Variants in ZC3H15 observed in about 807,000 individuals in gnomAD.
The protein encoded by ZC3H15 is zinc finger CCCH-type containing 15.
In ZC3H15, 15 loss-of-function variants were observed where a neutral mutation model predicts 51.2. The observed-to-expected ratio is 0.29, with a 90% CI of 0.20 to 0.45. The LOEUF (loss-of-function observed/expected upper bound fraction) is 0.45. ZC3H15 is among the 20% of genes least tolerant of loss of function. The pLI, the probability that ZC3H15 is intolerant of heterozygous loss-of-function variation, is 1.00. For synonymous variants in ZC3H15, 144 were observed against 162.8 expected (o/e 0.88, Z 0.88); for missense variants, 381 against 494.7 (o/e 0.77, Z 2.18).
In ZC3H15 at chr2:186,505,547, C is replaced by A. The variant is rs759616605; in HGVS notation, c.814C>A (p.Gln272Lys). 7 of 1,609,190 alleles carry A rather than the reference C, an allele frequency of 4.4e-6. No homozygotes were observed. Among genetic ancestry groups the A allele is most frequent in the Non-Finnish European group, 5.9e-6 (7 of 1,178,570 alleles). Residue 272 changes from glutamine (Q) to lysine (K), a missense_variant, in exon 7 of 10, where the codon CAA becomes AAA. Around this residue, in one of 3 missense-constraint regions of ZC3H15, gnomAD observed 215 missense variants for 241.8 expected, o/e 0.89. Coordinates refer to ENST00000337859, the MANE Select transcript of ZC3H15 (RefSeq NM_018471.3). ...ACAAGAAAAGATTGATAAACTTGAACAAGATATGGAAAGAAGGAAAGCTGA... is the reference window on the plus strand; with the variant it reads ...ACAAGAAAAGATTGATAAACTTGAAAAAGATATGGAAAGAAGGAAAGCTGA... ...KRQEKIDKLE[Q>K]DMERRKADFK...
intron 5 of ZC3H15, among the ~76,000 whole-genome samples, chr2:186,503,148 C>A (rs1203435025): frequency 3.3e-5 from 5 of 152,242 alleles, no homozygotes; most frequent in African/African-American, 1.2e-4. Flanking sequence ...TAGAATAATT[C>A]TAAATACTAC....
At position 186,502,490 on chromosome 2, in the gene ZC3H15, A is replaced by G; in HGVS notation, c.443-6A>G. ...TACAGTATTTAATCTTCATTTCTTT[A>G]TTTAGATACTATGGATAATTGGGAT... On this transcript the variant is annotated splice_region_variant and splice_polypyrimidine_tract_variant and intron_variant, in intron 4 of 9. Coordinates refer to ENST00000337859, the MANE Select transcript of ZC3H15 (RefSeq NM_018471.3). 6.2e-7 allele frequency: 1 copy of G among 1,604,882 alleles called. No individual in the cohort carries two copies. The highest frequency in any genetic ancestry group is 8.5e-7 in the Non-Finnish European group (1 of 1,173,910).
chr2:186,502,674 G>A, intron 5 of ZC3H15, 87 bp downstream of exon 5: 1 of 1,101,868 alleles, frequency 9.1e-7, no homozygotes, highest in Non-Finnish European at 1.3e-6. Flanking sequence ...TTTTCTATTA[G>A]ATTATTCTGT....
intron 1 of ZC3H15, among the ~76,000 whole-genome samples, chr2:186,491,443 C>T (rs900034333): frequency 5.3e-5 from 8 of 151,968 alleles, no homozygotes; most frequent in Non-Finnish European, 1.0e-4. Flanking sequence ...AATAACTTGC[C>T]CAAGTTTACT....
intron 8 of ZC3H15, 196 bp downstream of exon 8, chr2:186,506,037 G>T: frequency 4.4e-6 from 3 of 688,366 alleles, no homozygotes; most frequent in Non-Finnish European, 7.9e-6. Flanking sequence ...ATCATAGTTT[G>T]TGAGAATTAA....
chr2:186,507,606 T>C (rs2105595390), intron 9 of ZC3H15: 1 of 363,658 alleles, frequency 2.7e-6, no homozygotes, highest in South Asian at 2.1e-5. Context: ...TAATTGTGCC[T>C]TGAGTTAGGT....
In ZC3H15 at chr2:186,501,426, G is replaced by T; in HGVS notation, c.442+1G>T. 1 of 1,603,550 alleles carries T rather than the reference G, an allele frequency of 6.2e-7. No homozygotes were observed. Among genetic ancestry groups the T allele is most frequent in the Non-Finnish European group, 8.5e-7 (1 of 1,176,248 alleles). ...GCAAGAGATGAAGAACTTGAAAAAG[G>T]TAATTTTTTTAAAAACACTCTCTTA... is the stretch of plus-strand genomic sequence containing the variant. On this transcript the variant is annotated splice_donor_variant, in intron 4 of 9. Transcript: ENST00000337859. LOFTEE classifies it high-confidence loss of function.
chr2:186,507,459 A>C (rs1182697814), intron 9 of ZC3H15: 1 of 456,700 alleles, frequency 2.2e-6, no homozygotes, highest in East Asian at 6.9e-5. Flanking sequence ...TCTGTAGCTC[A>C]GAGGAAGAGG....
chr2:186,486,394 GA>G lies in ZC3H15; in HGVS notation c.15del (p.Lys5AsnfsTer27). The G allele has an allele frequency of 6.4e-7, 1 of 1,552,044 alleles. No individual in the cohort carries two copies. The highest frequency in any genetic ancestry group is 8.7e-7 in the Non-Finnish European group (1 of 1,145,972). Reference sequence around the variant, plus strand: ...CATCTGTCTCCGCAATGCCCCCCAAGAAACAGGCTCAGGCCGGGGGCAGCAA... The same window carrying G: ...CATCTGTCTCCGCAATGCCCCCCAAGAACAGGCTCAGGCCGGGGGCAGCAA... MPPK[K>X]QAQAGGSKKA... On this transcript the variant is annotated frameshift_variant, in exon 1 of 10. Transcript: ENST00000337859. LOFTEE classifies it high-confidence loss of function.
chr2:186,491,029 AG>A (rs1432517376), intron 1 of ZC3H15, among the ~76,000 whole-genome samples: 1 of 152,160 alleles, frequency 6.6e-6, no homozygotes, highest in Non-Finnish European at 1.5e-5. Context: ...ATCTTTAGGT[AG>A]GGCTCTGTCC....
intron 1 of ZC3H15, among the ~76,000 whole-genome samples, chr2:186,494,387 A>G (rs1213289780): frequency 2.0e-5 from 3 of 152,206 alleles, no homozygotes; most frequent in African/African-American, 7.2e-5. Flanking sequence ...CCAGAACTGA[A>G]TGTATCTTCC....
intron 3 of ZC3H15, chr2:186,500,533 T>C: frequency 6.4e-6 from 4 of 624,034 alleles, no homozygotes; most frequent in South Asian, 4.6e-5. Context: ...AATTAGTAAT[T>C]TAATAGACTG....
chr2:186,495,220 C>A lies in ZC3H15; in HGVS notation c.76-13C>A. On this transcript the variant is annotated splice_polypyrimidine_tract_variant and intron_variant, in intron 1 of 9. Coordinates refer to ENST00000337859, the MANE Select transcript of ZC3H15 (RefSeq NM_018471.3). Reference sequence around the variant, plus strand: ...TAAATTGCTAAGATATTTCTGTGCTCTTTCTCATGTAGGACAAAACTTTCG... The same window carrying A: ...TAAATTGCTAAGATATTTCTGTGCTATTTCTCATGTAGGACAAAACTTTCG... 1.3e-6 allele frequency: 2 copies of A among 1,514,508 alleles called. No individual in the cohort carries two copies. The highest frequency in any genetic ancestry group is 2.5e-5 in the East Asian group (1 of 39,486). The allele number at this position is 1,514,508 out of a possible 1,614,324, so 93.8% of individuals were successfully genotyped here.
At chr2:186,505,646 T>A (rs908583683) in intron 7 of ZC3H15, 49 bp downstream of exon 7, 13 of 1,600,772 alleles carry the variant, frequency 8.1e-6, no homozygotes, top group Admixed American at 5.1e-5. Flanking sequence ...CCATTTTCAA[T>A]TTCTGTGTCA....
At position 186,500,211 on chromosome 2, in the gene ZC3H15, G is replaced by A. The variant is rs776705902; in HGVS notation, c.207G>A (p.Leu69=). The A allele has an allele frequency of 6.2e-7, 1 of 1,613,574 alleles. No individual in the cohort carries two copies. Among genetic ancestry groups the A allele is most frequent in the Non-Finnish European group, 8.5e-7 (1 of 1,179,820 alleles). The change falls in exon 3 of 10, where the codon TTG becomes TTA. Residue 69 remains leucine (L), a synonymous_variant. Coordinates refer to ENST00000337859, the MANE Select transcript of ZC3H15 (RefSeq NM_018471.3). ...CACAGAGTGAAGCTGAAAAGAAATT[G>A]AAGAAGGATGACAAGAAGAAAGAAT... ...QVAQSEAEKK[L]KKDDKKKELQ... is the part of the protein sequence containing the mutation.
intron 1 of ZC3H15, among the ~76,000 whole-genome samples, chr2:186,493,192 A>G (rs1221199530): frequency 6.6e-6 from 1 of 152,068 alleles, no homozygotes; most frequent in South Asian, 2.1e-4. Context: ...CTAGAAGTTA[A>G]AAGTGTTAGG....
chr2:186,503,535 G>A lies in ZC3H15; in HGVS notation c.535-497G>A, dbSNP rs535795669. Among the ~76,000 whole-genome samples the A allele has an allele frequency of 6.6e-5, 10 of 152,080 alleles. No individual in the cohort carries two copies. The South Asian group carries it at 2.1e-3, about 32-fold the overall frequency. On this transcript the variant is annotated intron_variant, in intron 5 of 9. Coordinates refer to ENST00000337859, the MANE Select transcript of ZC3H15 (RefSeq NM_018471.3). Reference sequence around the variant, plus strand: ...GGGGTTACAGGCATGTGCCACCACGGCCAGCTAATTTTTTGTATTTTTAGT... The same window carrying A: ...GGGGTTACAGGCATGTGCCACCACGACCAGCTAATTTTTTGTATTTTTAGT...
chr2:186,490,159 T>G (rs557230705), intron 1 of ZC3H15, among the ~76,000 whole-genome samples: 13 of 152,344 alleles, frequency 8.5e-5, no homozygotes, highest in African/African-American at 2.9e-4. Flanking sequence ...TTCATTTGTA[T>G]TAATACTTTC....
chr2:186,506,027 A>G, intron 8 of ZC3H15, 186 bp downstream of exon 8: 1 of 697,616 alleles, frequency 1.4e-6, no homozygotes, highest in Non-Finnish European at 2.6e-6. Context: ...TTATCTCTAC[A>G]TCATAGTTTG....
Sources: gnomAD v4.1 joint callset for allele counts (sites outside exome capture counted in the v4.1 genomes callset) on GRCh38, gnomAD v4.1.1 for gene constraint, gnomAD v4.1.1 regional missense constraint, MANE v1.5 for transcripts, NCBI Gene and HGNC (gene_info 2026-07-23, HGNC 2026-07-21) for gene names.